Variants in FRMD5 observed in about 807,000 individuals in gnomAD.
FRMD5 encodes FERM domain-containing protein 5.
In FRMD5, 20 loss-of-function variants were observed where a neutral mutation model predicts 69.0. That is an observed-to-expected ratio of 0.29 (90% CI 0.20 to 0.42). The LOEUF (loss-of-function observed/expected upper bound fraction) is 0.42, where lower values mean the gene tolerates loss of function less well. Ranked by LOEUF, FRMD5 falls within the 10% of genes least tolerant of loss-of-function variation. The probability of loss-of-function intolerance (pLI) is 1.00; values close to 1 mark genes in which losing one functional copy is unlikely to be tolerated. For synonymous variants in FRMD5, 271 were observed against 260.1 expected (o/e 1.04, Z -0.40); for missense variants, 595 against 708.6 (o/e 0.84, Z 1.82).
At chr15:44,104,814 T>A (rs2076692006) in intron 1 of FRMD5, among the ~76,000 whole-genome samples, 1 of 152,300 alleles carries the variant, frequency 6.6e-6, no homozygotes, top group Non-Finnish European at 1.5e-5. Context: ...TAATGACACA[T>A]GACTGTAACT....
At chr15:43,972,613 C>T (rs1344431406) in intron 1 of FRMD5, among the ~76,000 whole-genome samples, 1 of 152,108 alleles carries the variant, frequency 6.6e-6, no homozygotes, top group Non-Finnish European at 1.5e-5. Context: ...GATTTCAGCC[C>T]CAGTTGCCCC....
At chr15:43,875,163 C>A (rs994422624) in intron 13 of FRMD5, among the ~76,000 whole-genome samples, 4 of 151,832 alleles carry the variant, frequency 2.6e-5, no homozygotes, top group African/African-American at 9.7e-5. Context: ...TGCCACTGCA[C>A]TCCAGCCTGG....
chr15:43,897,857 C>A (rs1004550748), intron 7 of FRMD5, among the ~76,000 whole-genome samples: 1 of 152,048 alleles, frequency 6.6e-6, no homozygotes. Context: ...CCATGCTGTT[C>A]TCATGATAGT....
intron 1 of FRMD5, among the ~76,000 whole-genome samples, chr15:44,156,710 A>G (rs2077534685): frequency 6.6e-6 from 1 of 152,162 alleles, no homozygotes; most frequent in African/African-American, 2.4e-5. Context: ...ATTTGGAAGT[A>G]TGAAAATAGG....
At chr15:44,117,815 T>C (rs2076891180) in intron 1 of FRMD5, among the ~76,000 whole-genome samples, 1 of 152,086 alleles carries the variant, frequency 6.6e-6, no homozygotes, top group Non-Finnish European at 1.5e-5. Flanking sequence ...TTGTCCAAGA[T>C]ACTTATAACC....
chr15:44,175,286 G>A lies in FRMD5; in HGVS notation c.102+19667C>T, dbSNP rs986859631. ...CAGACACCCCATGAAATATGTCTGA[G>A]GAACAGAATATAAAAACCAGAAATG... On this transcript the variant is annotated intron_variant, in intron 1 of 13. Coordinates refer to ENST00000417257, the MANE Select transcript of FRMD5 (RefSeq NM_032892.5). Among the ~76,000 whole-genome samples, 7 of 151,984 alleles carry A rather than the reference G, an allele frequency of 4.6e-5. No homozygotes were observed. The South Asian group carries it at 1.5e-3, about 32-fold the overall frequency.
At chr15:43,916,291 G>C (rs2089385959) in intron 4 of FRMD5, among the ~76,000 whole-genome samples, 1 of 152,186 alleles carries the variant, frequency 6.6e-6, no homozygotes, top group Non-Finnish European at 1.5e-5. Context: ...TCTCTCTCAG[G>C]AAACAGAAGT....
intron 1 of FRMD5, among the ~76,000 whole-genome samples, chr15:44,077,360 T>C (rs1196025245): frequency 1.3e-5 from 2 of 152,032 alleles, no homozygotes; most frequent in Non-Finnish European, 2.9e-5. Flanking sequence ...AGAAAAATCA[T>C]TACAAAGAAA....
At position 44,052,738 on chromosome 15, in the gene FRMD5, A is replaced by G. The variant is rs16958967; in HGVS notation, c.103-128429T>C. Reference sequence around the variant, plus strand: ...AACAATTACACTCCATTTAATACTTATCCAGTGGTATACTTCTCTGTCCCT... The same window carrying G: ...AACAATTACACTCCATTTAATACTTGTCCAGTGGTATACTTCTCTGTCCCT... On this transcript the variant is annotated intron_variant, in intron 1 of 13. Transcript: ENST00000417257. Among the ~76,000 whole-genome samples, 1,144 of 152,280 alleles carry G rather than the reference A, an allele frequency of 7.5e-3. 22 individuals carry two copies. The highest frequency in any genetic ancestry group is 0.026 in the African/African-American group (1,094 of 41,560).
chr15:44,014,867 G>GT (rs1890886505), intron 1 of FRMD5, among the ~76,000 whole-genome samples: 1 of 152,238 alleles, frequency 6.6e-6, no homozygotes, highest in African/African-American at 2.4e-5. Context: ...TCAGGCATGT[G>GT]TAAGTTGCTG....
chr15:43,989,059 G>A (rs1360539616), intron 1 of FRMD5: 12 of 871,308 alleles, frequency 1.4e-5, no homozygotes, highest in African/African-American at 3.3e-5. Flanking sequence ...GTCACAGTCC[G>A]CCTAGAAGCA....
At chr15:43,906,573 C>T (rs918262623) in intron 5 of FRMD5, among the ~76,000 whole-genome samples, 6 of 152,012 alleles carry the variant, frequency 3.9e-5, no homozygotes, top group African/African-American at 9.7e-5. Context: ...TAGAAAGTAT[C>T]GTTGAGTTCA....
intron 1 of FRMD5, among the ~76,000 whole-genome samples, chr15:44,142,223 T>A (rs1324247654): frequency 6.6e-6 from 1 of 152,180 alleles, no homozygotes; most frequent in Non-Finnish European, 1.5e-5. Flanking sequence ...TAGCAATCAG[T>A]CCATATTTTT....
chr15:44,143,429 A>T (rs757031873), intron 1 of FRMD5, among the ~76,000 whole-genome samples: 4 of 152,084 alleles, frequency 2.6e-5, no homozygotes, highest in Non-Finnish European at 5.9e-5. Context: ...AAGACATTGT[A>T]TATAAGGAGA....
intron 1 of FRMD5, chr15:43,990,053 T>A (rs1235416115): frequency 1.4e-4 from 104 of 743,674 alleles, no homozygotes; most frequent in South Asian, 1.2e-3. Flanking sequence ...ATGCCCACCG[T>A]CACGCCCTGG....
chr15:43,883,210 C>T (rs1401353112), intron 13 of FRMD5, among the ~76,000 whole-genome samples: 2 of 152,078 alleles, frequency 1.3e-5, no homozygotes, highest in Middle Eastern at 3.2e-3. Context: ...AGCGAGTCTC[C>T]TACCTCAGCC....
chr15:44,125,869 C>T (rs75015339), intron 1 of FRMD5, among the ~76,000 whole-genome samples: 2,240 of 152,318 alleles, frequency 0.015, 54 homozygotes, highest in African/African-American at 0.051. Flanking sequence ...CCTGCCACCA[C>T]TGACTTCAGG....
At chr15:44,014,057 C>T (rs1566898830) in intron 1 of FRMD5, among the ~76,000 whole-genome samples, 3 of 151,880 alleles carry the variant, frequency 2.0e-5, no homozygotes, top group Non-Finnish European at 2.9e-5. Context: ...GGGGTTTCAC[C>T]GTGTGTTAGC....
intron 13 of FRMD5, among the ~76,000 whole-genome samples, chr15:43,875,363 AATATATATATAT>A (rs749584177): frequency 7.6e-5 from 8 of 105,326 alleles, no homozygotes; most frequent in Middle Eastern, 5.1e-3. Flanking sequence ...AAAAAAAAAA[AATATATATATAT>A]ATATATATAT....
Sources: gnomAD v4.1 joint callset for allele counts (sites outside exome capture counted in the v4.1 genomes callset) on GRCh38, gnomAD v4.1.1 for gene constraint, MANE v1.5 for transcripts, NCBI Gene and HGNC (gene_info 2026-07-23, HGNC 2026-07-21) for gene names.